CNIH3: variants seen among roughly 807,000 people sequenced by gnomAD.
CNIH3 encodes the protein cornichon family AMPA receptor auxiliary protein 3.
CNIH3 carries 14 observed loss-of-function variants against 24.1 expected under a neutral mutation model. The ratio of observed to expected loss-of-function variants is 0.58; its 90% CI spans 0.38 to 0.91. The LOEUF is 0.91. CNIH3 is among the 40% of genes least tolerant of loss of function. The pLI is 0.00. For synonymous variants in CNIH3, 68 were observed against 73.8 expected (o/e 0.92, Z 0.40); for missense variants, 178 against 196.8 (o/e 0.90, Z 0.57).
intron 3 of CNIH3, among the ~76,000 whole-genome samples, chr1:224,690,558 G>A (rs1352023121): frequency 6.6e-6 from 1 of 152,216 alleles, no homozygotes; most frequent in East Asian, 1.9e-4. Flanking sequence ...GATTGAGGCT[G>A]CCCAATGTTG....
At chr1:224,558,631 C>T (rs942316501) in intron 3 of CNIH3, among the ~76,000 whole-genome samples, 1 of 152,252 alleles carries the variant, frequency 6.6e-6, no homozygotes, top group Non-Finnish European at 1.5e-5. Context: ...GCTCCCACCA[C>T]TCCTCCTCCT....
chr1:224,509,874 G>C (rs1678070107), intron 1 of CNIH3, among the ~76,000 whole-genome samples: 1 of 152,214 alleles, frequency 6.6e-6, no homozygotes, highest in African/African-American at 2.4e-5. Context: ...GACAGTGTCA[G>C]TGTCTCCCAG....
At chr1:224,514,359 G>C (rs946172182), upstream of CNIH3, among the ~76,000 whole-genome samples, 2 of 152,046 alleles carry the variant, frequency 1.3e-5, no homozygotes, top group Non-Finnish European at 2.9e-5. Flanking sequence ...CAGGGTTTCT[G>C]AGTCCACAGT....
intron 3 of CNIH3, among the ~76,000 whole-genome samples, chr1:224,551,164 A>G (rs1046186821): frequency 5.9e-5 from 9 of 152,048 alleles, no homozygotes; most frequent in African/African-American, 2.2e-4. Flanking sequence ...CAGTGTGGCG[A>G]TTCCTCAGGG....
chr1:224,644,456 G>A (rs993984354), intron 1 of CNIH3, among the ~76,000 whole-genome samples: 3 of 152,120 alleles, frequency 2.0e-5, no homozygotes, highest in Non-Finnish European at 4.4e-5. Context: ...ACAGGATATC[G>A]GGGAGTGTGG....
intron 3 of CNIH3, among the ~76,000 whole-genome samples, chr1:224,563,957 A>G (rs554106586): frequency 1.3e-5 from 2 of 152,310 alleles, no homozygotes; most frequent in African/African-American, 2.4e-5. Flanking sequence ...CAGAGAGGAC[A>G]GAATCTTAAA....
rs548718589 is a variant in CNIH3 at position 224,703,011 on chromosome 1, C to T, written c.198+18168C>T. On this transcript the variant is annotated intron_variant, in intron 3 of 5. Transcript: ENST00000272133. The surrounding 1 kb of genome is among the most constrained non-coding windows in gnomAD (Gnocchi z 4.2). ...CCGAACCTCATCATTGAATTGGAAA[C>T]TCAGGAGGTGAGGTTAGGGCCTCAG... Among the ~76,000 whole-genome samples, 12 of 152,302 alleles carry T rather than the reference C, an allele frequency of 7.9e-5. No individual in the cohort carries two copies. In the South Asian group the frequency reaches 1.7e-3, roughly 21 times the overall value.
At chr1:224,537,979 C>T (rs1679355988), downstream of CNIH3, among the ~76,000 whole-genome samples, 1 of 151,482 alleles carries the variant, frequency 6.6e-6, no homozygotes, top group Admixed American at 6.6e-5. Context: ...GAGACAGAGT[C>T]TCACTCTGTC....
At chr1:224,701,026 T>A (rs1242770003) in intron 3 of CNIH3, among the ~76,000 whole-genome samples, 4 of 152,256 alleles carry the variant, frequency 2.6e-5, no homozygotes, top group Non-Finnish European at 4.4e-5. Flanking sequence ...AAGTTGTCAC[T>A]TGAGAGCAGG....
chr1:224,490,059 A>G (rs1040021464), intron 1 of CNIH3, among the ~76,000 whole-genome samples: 4 of 152,244 alleles, frequency 2.6e-5, no homozygotes, highest in African/African-American at 7.2e-5. Context: ...GTTACTATCA[A>G]AGACTCAGAC....
chr1:224,634,583 AAT>A (rs1491056971), intron 1 of CNIH3, among the ~76,000 whole-genome samples: 40 of 134,000 alleles, frequency 3.0e-4, no homozygotes, highest in Admixed American at 3.8e-4. Flanking sequence ...CAAAAAAAAA[AAT>A]AAAAAAAAAA....
At chr1:224,734,348 A>G (rs986107330) in intron 4 of CNIH3, among the ~76,000 whole-genome samples, 18 of 152,206 alleles carry the variant, frequency 1.2e-4, no homozygotes, top group African/African-American at 3.4e-4. Context: ...TGAAATTGCC[A>G]TGATGCCAGT....
chr1:224,474,756 G>A (rs528774085), intron 1 of CNIH3, among the ~76,000 whole-genome samples: 44 of 152,162 alleles, frequency 2.9e-4, no homozygotes, highest in Non-Finnish European at 5.6e-4. Flanking sequence ...AGCCCGGGCC[G>A]GTGGCTCACG....
intron 3 of CNIH3, among the ~76,000 whole-genome samples, chr1:224,561,148 G>A (rs1654141217): frequency 6.6e-6 from 1 of 152,086 alleles, no homozygotes; most frequent in African/African-American, 2.4e-5. Flanking sequence ...TTAGTTATAT[G>A]TATTAAAATG....
intron 3 of CNIH3, among the ~76,000 whole-genome samples, chr1:224,730,029 CT>C (rs1488927279): frequency 6.6e-6 from 1 of 152,166 alleles, no homozygotes; most frequent in African/African-American, 2.4e-5. Context: ...TTGTGAGTTA[CT>C]ATAGGAGGAT....
intron 3 of CNIH3, among the ~76,000 whole-genome samples, chr1:224,721,384 C>A (rs1201836549): frequency 6.6e-6 from 1 of 152,104 alleles, no homozygotes; most frequent in Non-Finnish European, 1.5e-5. Flanking sequence ...GATTTCTACT[C>A]CCTTCATCTC....
intron 1 of CNIH3, among the ~76,000 whole-genome samples, chr1:224,479,144 CTTTTTT>C: frequency 1.9e-5 from 1 of 53,698 alleles, no homozygotes; most frequent in Non-Finnish European, 3.2e-5. Context: ...CCCCCAAAGT[CTTTTTT>C]TTTTTTTTTT....
chr1:224,495,944 G>A (rs547663770), intron 1 of CNIH3, among the ~76,000 whole-genome samples: 65 of 152,154 alleles, frequency 4.3e-4, no homozygotes, highest in Non-Finnish European at 7.9e-4. Flanking sequence ...CAATGAAAAA[G>A]GCATCTGTGA....
intron 1 of CNIH3, among the ~76,000 whole-genome samples, chr1:224,446,608 C>G (rs147020089): frequency 1.3e-5 from 2 of 152,086 alleles, no homozygotes; most frequent in Admixed American, 1.3e-4. Context: ...CAAAGATGAA[C>G]GCCCACATCA....
Sources: allele counts gnomAD v4.1 joint callset (sites outside exome capture counted in the v4.1 genomes callset), GRCh38; gene constraint gnomAD v4.1.1; non-coding constraint Gnocchi (gnomAD v3.1); transcripts MANE v1.5; gene names NCBI Gene and HGNC (gene_info 2026-07-23, HGNC 2026-07-21).